The following KCNIP1 variants were observed in gnomAD, a reference collection of about 807,000 sequenced individuals.
KCNIP1 encodes A-type potassium channel modulatory protein KCNIP1.
In KCNIP1, 18 loss-of-function variants were observed where a neutral mutation model predicts 33.0. The observed-to-expected ratio is 0.55, with a 90% CI of 0.38 to 0.81. The LOEUF is 0.81. KCNIP1 is among the 30% of genes least tolerant of loss of function. KCNIP1 has a pLI of 0.00. For synonymous variants in KCNIP1, 93 were observed against 98.3 expected (o/e 0.95, Z 0.32); for missense variants, 238 against 271.6 (o/e 0.88, Z 0.87).
intron 1 of KCNIP1, chr5:170,561,149 A>G (rs1473565608): frequency 4.4e-6 from 2 of 455,606 alleles, no homozygotes; most frequent in Admixed American, 2.4e-5. Flanking sequence ...AGATGTGTTT[A>G]TGCTCCTTCG....
chr5:170,500,988 C>G (rs958204276), upstream of KCNIP1, among the ~76,000 whole-genome samples: 1 of 152,192 alleles, frequency 6.6e-6, no homozygotes, highest in Non-Finnish European at 1.5e-5. Context: ...AAGAGACTCA[C>G]TCATTCATTT....
In KCNIP1 at chr5:170,504,101, G is replaced by C; in HGVS notation, c.-472G>C. On this transcript the variant is annotated 5_prime_UTR_variant, in exon 1 of 8. Coordinates refer to ENST00000328939, the MANE Select transcript of KCNIP1 (RefSeq NM_014592.4). This position sits in a 1 kb window ranked among gnomAD's most constrained non-coding sequence, Gnocchi z 6.0. ...CTCCGCGCCGCGCGGTCCGGGCTCT[G>C]TTCATTCATGATTGGTACTCGGCCC... 2 of 986,834 alleles carry C rather than the reference G, an allele frequency of 2.0e-6. No homozygotes were observed. Among genetic ancestry groups the C allele is most frequent in the Middle Eastern group, 5.2e-4 (1 of 1,914 alleles). 61.1% of individuals were successfully genotyped at this position (986,834 alleles called of 1,614,324 possible).
At chr5:170,573,314 G>A (rs1472980590) in intron 1 of KCNIP1, among the ~76,000 whole-genome samples, 3 of 152,236 alleles carry the variant, frequency 2.0e-5, no homozygotes, top group East Asian at 1.9e-4. Flanking sequence ...TCTGAAATTC[G>A]AGCACTCTTG....
chr5:170,440,785 G>A (rs546570395), intron 1 of KCNIP1, among the ~76,000 whole-genome samples: 2 of 152,206 alleles, frequency 1.3e-5, no homozygotes, highest in Admixed American at 6.5e-5. Context: ...AGGGAGAGTT[G>A]GGGGTTAACT....
intron 1 of KCNIP1, among the ~76,000 whole-genome samples, chr5:170,701,063 A>G (rs1326890474): frequency 6.6e-6 from 1 of 152,204 alleles, no homozygotes; most frequent in Non-Finnish European, 1.5e-5. Context: ...CAAAACATTA[A>G]AATTTTAAAA....
At chr5:170,674,023 A>G (rs538551366) in intron 1 of KCNIP1, among the ~76,000 whole-genome samples, 1 of 152,100 alleles carries the variant, frequency 6.6e-6, no homozygotes, top group African/African-American at 2.4e-5. Flanking sequence ...CCATCTCTGC[A>G]CTACTGACAT....
At chr5:170,681,306 AAACAGCGTGGTATTGGTCCCCG>A in intron 1 of KCNIP1, 1 of 392,662 alleles carries the variant, frequency 2.5e-6, no homozygotes. Flanking sequence ...AGCCGGGCTG[AAACAGCGTGGTATTGGTCCCCG>A]CCTCCCCAGT....
intron 1 of KCNIP1, among the ~76,000 whole-genome samples, chr5:170,471,469 G>T (rs905503342): frequency 6.6e-6 from 1 of 152,172 alleles, no homozygotes; most frequent in Non-Finnish European, 1.5e-5. Context: ...AAGGGCGAGG[G>T]TAGTTTGTTC....
chr5:170,536,846 T>G (rs1427303006), intron 1 of KCNIP1, among the ~76,000 whole-genome samples: 1 of 151,648 alleles, frequency 6.6e-6, no homozygotes, highest in Non-Finnish European at 1.5e-5. Context: ...CGGCTGAAAG[T>G]GGGGGAGGGC....
At chr5:170,715,190 G>A (rs1430481309) in intron 1 of KCNIP1, among the ~76,000 whole-genome samples, 2 of 152,164 alleles carry the variant, frequency 1.3e-5, no homozygotes, top group Non-Finnish European at 2.9e-5. Context: ...ATAACACACT[G>A]TACAGGTTTA....
intron 1 of KCNIP1, among the ~76,000 whole-genome samples, chr5:170,479,194 T>A (rs1053744577): frequency 6.6e-6 from 1 of 152,208 alleles, no homozygotes; most frequent in Admixed American, 6.5e-5. Flanking sequence ...ATCCTGATTA[T>A]ATGGTTTAAT....
At chr5:170,726,775 G>A (rs1764021890) in intron 5 of KCNIP1, among the ~76,000 whole-genome samples, 1 of 143,680 alleles carries the variant, frequency 7.0e-6, no homozygotes, top group Admixed American at 7.3e-5. Flanking sequence ...GCCAGACATG[G>A]TGGTAAGCAC....
At chr5:170,432,128 T>G (rs1334227216) in intron 1 of KCNIP1, among the ~76,000 whole-genome samples, 1 of 151,988 alleles carries the variant, frequency 6.6e-6, no homozygotes, top group Non-Finnish European at 1.5e-5. Flanking sequence ...AGTAGGGCAA[T>G]CTGGCAGTTC....
At chr5:170,369,668 G>A (rs1763791615) in intron 1 of KCNIP1, among the ~76,000 whole-genome samples, 2 of 152,330 alleles carry the variant, frequency 1.3e-5, no homozygotes, top group South Asian at 4.2e-4. Context: ...TTCTCATCAG[G>A]ACCAAGTTTG....
At chr5:170,683,873 A>T (rs1762445727) in intron 1 of KCNIP1, among the ~76,000 whole-genome samples, 1 of 150,380 alleles carries the variant, frequency 6.6e-6, no homozygotes. Context: ...ACAGGCATAC[A>T]CCACTATGCC....
At chr5:170,425,171 T>C (rs1755584357) in intron 1 of KCNIP1, among the ~76,000 whole-genome samples, 2 of 152,184 alleles carry the variant, frequency 1.3e-5, no homozygotes. Context: ...TATTTTCCTA[T>C]CCCACTATAA....
chr5:170,735,555 T>G (rs1424930332), intron 7 of KCNIP1, among the ~76,000 whole-genome samples: 2 of 152,240 alleles, frequency 1.3e-5, no homozygotes, highest in Non-Finnish European at 2.9e-5. Flanking sequence ...TTGTTTCTTC[T>G]GAATTCCTCT....
intron 1 of KCNIP1, among the ~76,000 whole-genome samples, chr5:170,482,428 CT>C (rs1756997885): frequency 6.6e-6 from 1 of 152,148 alleles, no homozygotes; most frequent in African/African-American, 2.4e-5. Flanking sequence ...AGTACGGGGC[CT>C]TTTGCAGCTA....
Position 170,378,505 on chromosome 5 carries a change from C to A in KCNIP1, c.88+24541C>A, listed in dbSNP as rs1581125812. 6 of 633,324 alleles carry A rather than the reference C, an allele frequency of 9.5e-6. No individual in the cohort carries two copies. The East Asian group carries it at 1.4e-4, about 14-fold the overall frequency. 39.2% of individuals were successfully genotyped at this position (633,324 alleles called of 1,614,324 possible). ...TTATGGCCTCCAAGGCATTGGGGAG[C>A]CACTGTACATTCTTGAGCAGGCAAT... On this transcript the variant is annotated intron_variant, in intron 1 of 7. Transcript: ENST00000377360.
Sources: gnomAD v4.1 joint callset for allele counts (sites outside exome capture counted in the v4.1 genomes callset) on GRCh38, gnomAD v4.1.1 for gene constraint, Gnocchi (gnomAD v3.1) non-coding constraint, MANE v1.5 for transcripts, NCBI Gene and HGNC (gene_info 2026-07-23, HGNC 2026-07-21) for gene names.